HERC3: variants seen among roughly 807,000 people sequenced by gnomAD.
The protein encoded by HERC3 is probable E3 ubiquitin-protein ligase HERC3.
In HERC3, 58 loss-of-function variants were observed where a neutral mutation model predicts 129.9. The ratio of observed to expected loss-of-function variants is 0.45; its 90% CI spans 0.36 to 0.56. The LOEUF is 0.56. Among genes scored for constraint, HERC3 ranks in the 20% least tolerant of loss-of-function variants. HERC3 has a pLI of 0.00. For missense variants in HERC3, 835 were observed against 1,244.2 expected (o/e 0.67, Z 4.95); for synonymous variants, 430 against 451.0 (o/e 0.95, Z 0.59).
At chr4:88,594,891 C>G (rs537467241) in intron 1 of HERC3, among the ~76,000 whole-genome samples, 17 of 151,956 alleles carry the variant, frequency 1.1e-4, no homozygotes, top group African/African-American at 4.1e-4. Flanking sequence ...CACTTGAGGT[C>G]AGGAGTTGGA....
intron 14 of HERC3, chr4:88,668,650 T>G (rs1731288187): frequency 6.5e-6 from 1 of 154,372 alleles, no homozygotes; most frequent in African/African-American, 2.4e-5. Context: ...CTGAAATGTT[T>G]TTATTACTCA....
At chr4:88,600,045 C>T (rs994687031) in intron 2 of HERC3, among the ~76,000 whole-genome samples, 2 of 152,140 alleles carry the variant, frequency 1.3e-5, no homozygotes, top group South Asian at 4.1e-4. Context: ...GAGATAATGG[C>T]AGTACCTGTC....
rs775225037 is a variant in HERC3, at chr4:88,670,228, G to A, written c.1887G>A (p.Met629Ile). ...TGGACATTCAGGAAGACTACCTCAT[G>A]TGGTTCTTGCATCAAGCAGGGATGG... ...NLVDIQEDYLMWFLHQAGMKA... is the reference protein window; with the variant it reads ...NLVDIQEDYLIWFLHQAGMKA... Residue 629 changes from methionine (M) to isoleucine (I), a missense_variant, in exon 16 of 26, where the codon ATG becomes ATA. Transcript: ENST00000402738. The A allele has an allele frequency of 3.7e-6, 6 of 1,611,426 alleles. No individual in the cohort carries two copies. The South Asian group carries it at 6.6e-5, about 18-fold the overall frequency.
intron 23 of HERC3, among the ~76,000 whole-genome samples, chr4:88,688,081 A>G (rs942404173): frequency 6.6e-6 from 1 of 152,234 alleles, no homozygotes; most frequent in African/African-American, 2.4e-5. Context: ...TAATTGCAAT[A>G]GAATCCAGTG....
the HERC3 span, among the ~76,000 whole-genome samples, chr4:88,544,278 C>A: frequency 2.0e-5 from 3 of 152,172 alleles, no homozygotes; most frequent in Non-Finnish European, 2.9e-5. Flanking sequence ...ACAGACACTT[C>A]TCAAAAGAAG....
At chr4:88,591,744 G>T (rs1490218257), upstream of HERC3, among the ~76,000 whole-genome samples, 3 of 152,138 alleles carry the variant, frequency 2.0e-5, no homozygotes, top group South Asian at 6.2e-4. Context: ...AAGTGGAAGA[G>T]GACAAACTTT....
chr4:88,692,673 T>G (rs1734197835), intron 23 of HERC3, among the ~76,000 whole-genome samples: 1 of 152,210 alleles, frequency 6.6e-6, no homozygotes, highest in Non-Finnish European at 1.5e-5. Context: ...AGACACTATT[T>G]GAAATATTTT....
chr4:88,652,738 ATC>A, intron 5 of HERC3, 129 bp from the exon 6 acceptor site: 2 of 901,682 alleles, frequency 2.2e-6, no homozygotes, highest in Non-Finnish European at 3.3e-6. Flanking sequence ...AGCATGAAGT[ATC>A]TCTGTTCCTT....
the HERC3 span, among the ~76,000 whole-genome samples, chr4:88,566,697 T>C: frequency 6.6e-6 from 1 of 152,240 alleles, no homozygotes; most frequent in Non-Finnish European, 1.5e-5. Flanking sequence ...ATGAAAACCC[T>C]CAGCTTTTGT....
chr4:88,546,942 G>C, the HERC3 span, among the ~76,000 whole-genome samples: 1 of 152,218 alleles, frequency 6.6e-6, no homozygotes, highest in South Asian at 2.1e-4. Context: ...ATGTGACATA[G>C]TTCCTAGGCT....
intron 1 of HERC3, among the ~76,000 whole-genome samples, chr4:88,592,838 G>T (rs553062013): frequency 6.6e-6 from 1 of 151,760 alleles, no homozygotes. Context: ...CGGTCAGAGA[G>T]CCCCGCGCCG....
the HERC3 span, among the ~76,000 whole-genome samples, chr4:88,584,163 G>A: frequency 6.6e-6 from 1 of 152,164 alleles, no homozygotes; most frequent in Non-Finnish European, 1.5e-5. Flanking sequence ...GGGAGAATCT[G>A]TTCTGTGCCT....
intron 7 of HERC3, 72 bp downstream of exon 7, chr4:88,654,205 G>A (rs1729596169): frequency 2.0e-6 from 2 of 1,016,642 alleles, no homozygotes; most frequent in Non-Finnish European, 3.1e-6. Context: ...GATTATGTTA[G>A]TGTAGTGATG....
In HERC3 at chr4:88,686,767, G is replaced by C. The variant is rs976845938; in HGVS notation, c.2539G>C (p.Glu847Gln). Residue 847 changes from glutamate (E) to glutamine (Q), a missense_variant, in exon 22 of 26, where the codon GAG becomes CAG. By Grantham distance (29) the Glu-to-Gln change is conservative (BLOSUM62 2). Transcript: ENST00000402738. ...SLQELLDYPG[E>Q]DVEETFCLNF... ...CCAAGAGCTTTTAGATTACCCCGGG[G>C]AGGATGTGGAGGAGACTTTCTGCCT... 3.1e-6 allele frequency: 5 copies of C among 1,611,940 alleles called. No individual in the cohort carries two copies. The highest frequency in any genetic ancestry group is 1.7e-5 in the Admixed American group (1 of 59,964).
the HERC3 span, among the ~76,000 whole-genome samples, chr4:88,555,081 T>C: frequency 6.6e-6 from 1 of 151,898 alleles, no homozygotes; most frequent in Non-Finnish European, 1.5e-5. Context: ...GTCAAGAGAT[T>C]GAGACCATCC....
the HERC3 span, chr4:88,525,042 A>AT: frequency 2.0e-5 from 3 of 151,258 alleles, no homozygotes; most frequent in South Asian, 6.2e-4. Context: ...AAAACAGTTT[A>AT]TTTTTTGATG....
At chr4:88,534,368 C>A in the HERC3 span, among the ~76,000 whole-genome samples, 3 of 152,290 alleles carry the variant, frequency 2.0e-5, no homozygotes, top group South Asian at 6.2e-4. Context: ...CAGCCCCTCA[C>A]GACAAAGAAT....
At chr4:88,656,672 T>C (rs1044706329) in intron 9 of HERC3, 3 of 152,330 alleles carry the variant, frequency 2.0e-5, no homozygotes, top group African/African-American at 7.2e-5. Flanking sequence ...ATACCAGTTA[T>C]TTTGTTTCCA....
At chr4:88,529,187 A>C in the HERC3 span, among the ~76,000 whole-genome samples, 19 of 152,190 alleles carry the variant, frequency 1.2e-4, no homozygotes, top group Non-Finnish European at 2.5e-4. Context: ...ATAACAACCA[A>C]AATGTTGGTT....
Sources: gnomAD v4.1 joint callset for allele counts (sites outside exome capture counted in the v4.1 genomes callset) on GRCh38, gnomAD v4.1.1 for gene constraint, MANE v1.5 for transcripts, NCBI Gene and HGNC (gene_info 2026-07-23, HGNC 2026-07-21) for gene names.